SHANK2: variants seen among roughly 807,000 people sequenced by gnomAD.
SHANK2 encodes the protein SH3 and multiple ankyrin repeat domains 2, also known as SH3 and multiple ankyrin repeat domains protein 2.
SHANK2 carries 43 observed loss-of-function variants against 133.7 expected under a neutral mutation model. The ratio of observed to expected loss-of-function variants is 0.32; its 90% CI spans 0.25 to 0.41. The LOEUF (loss-of-function observed/expected upper bound fraction) is 0.41. SHANK2 is among the 10% of genes least tolerant of loss of function. SHANK2 has a pLI of 1.00. For missense variants in SHANK2, 1,994 were observed against 2,235.8 expected (o/e 0.89, Z 2.18); for synonymous variants, 1,017 against 952.8 (o/e 1.07, Z -1.24).
At chr11:70,768,182 T>C (rs1947166731) in intron 14 of SHANK2, among the ~76,000 whole-genome samples, 1 of 152,138 alleles carries the variant, frequency 6.6e-6, no homozygotes, top group Non-Finnish European at 1.5e-5. Context: ...GCATGCAGTG[T>C]AGATGTGAGT....
chr11:70,619,328 G>A (rs1303283598), intron 17 of SHANK2, among the ~76,000 whole-genome samples: 3 of 152,192 alleles, frequency 2.0e-5, no homozygotes, highest in Admixed American at 6.5e-5. Context: ...AGCTCTCAGC[G>A]AGGGTCCTTT....
chr11:71,199,336 C>T (rs1312426043), intron 2 of SHANK2, among the ~76,000 whole-genome samples: 1 of 152,244 alleles, frequency 6.6e-6, no homozygotes, highest in East Asian at 1.9e-4. Context: ...GAAGACTCAG[C>T]CACAAACTGT....
chr11:70,774,539 C>T (rs1405196454), intron 14 of SHANK2, among the ~76,000 whole-genome samples: 5 of 152,086 alleles, frequency 3.3e-5, no homozygotes, highest in South Asian at 2.1e-4. Flanking sequence ...AGGCTGGTCT[C>T]GAACTCCTGA....
chr11:71,086,721 G>A (rs1293878441), intron 8 of SHANK2, among the ~76,000 whole-genome samples: 3 of 151,834 alleles, frequency 2.0e-5, no homozygotes, highest in African/African-American at 7.3e-5. Context: ...GGGCCACTTG[G>A]CAGGGTAAAT....
intron 17 of SHANK2, among the ~76,000 whole-genome samples, chr11:70,572,313 C>T (rs781998935): frequency 6.6e-6 from 1 of 152,218 alleles, no homozygotes; most frequent in African/African-American, 2.4e-5. Context: ...GTCCCCACCA[C>T]CATACCCGGC....
Position 71,158,607 on chromosome 11 carries a change from C to T in SHANK2, c.-12-11269G>A, listed in dbSNP as rs183021603. ...AACCCTGATAGGACTGTTGGTAGAA[C>T]TTAACACTCTGATCTTAAAGCTCAA... is the stretch of plus-strand genomic sequence containing the variant. On this transcript the variant is annotated intron_variant, in intron 2 of 25. Transcript: ENST00000601538. Among the ~76,000 whole-genome samples, 12 of 152,302 alleles carry T rather than the reference C, an allele frequency of 7.9e-5. No individual in the cohort carries two copies. In the East Asian group the frequency reaches 2.3e-3, roughly 29 times the overall value.
chr11:70,661,629 C>T lies in SHANK2; in HGVS notation c.1903G>A (p.Glu635Lys). 1 of 1,614,040 alleles carries T rather than the reference C, an allele frequency of 6.2e-7. No individual in the cohort carries two copies. The highest frequency in any genetic ancestry group is 8.5e-7 in the Non-Finnish European group (1 of 1,180,020). ...KTVVLQKKDN[E>K]GFGFVLRGAK... ...CCTCGAAGCACGAATCCAAAGCCCT[C>T]ATTGTCTTTTTTCTGCAGGACCACC... Residue 635 changes from glutamate to lysine, a missense_variant, in exon 16 of 26, where the codon GAG becomes AAG. Physicochemically the swap from Glu to Lys is moderately conservative, Grantham distance 56. This residue lies in a region of SHANK2 where 14 missense variants were observed against 42.4 expected (regional missense o/e 0.33). Transcript: ENST00000601538.
chr11:70,565,545 C>G (rs1263079431), intron 17 of SHANK2, among the ~76,000 whole-genome samples: 1 of 152,192 alleles, frequency 6.6e-6, no homozygotes, highest in Non-Finnish European at 1.5e-5. Context: ...CACGCCTGGC[C>G]TCAATGTCTT....
At chr11:70,747,395 C>A (rs1003201749) in intron 14 of SHANK2, among the ~76,000 whole-genome samples, 1 of 152,148 alleles carries the variant, frequency 6.6e-6, no homozygotes, top group Non-Finnish European at 1.5e-5. Context: ...GTGGAAAAGT[C>A]TTTTCATGGC....
intron 14 of SHANK2, among the ~76,000 whole-genome samples, chr11:70,759,165 AAAACCAAACC>A (rs112523125): frequency 1.5e-4 from 22 of 146,824 alleles, no homozygotes; most frequent in African/African-American, 4.8e-4. Flanking sequence ...ACTCCATCAC[AAAACCAAACC>A]AAACCAAACC....
chr11:70,935,854 G>A (rs777378146), intron 10 of SHANK2, among the ~76,000 whole-genome samples: 30 of 152,226 alleles, frequency 2.0e-4, no homozygotes, highest in Admixed American at 5.2e-4. Context: ...TCATGTGAGC[G>A]GGCCTCTTAC....
intron 10 of SHANK2, among the ~76,000 whole-genome samples, chr11:70,921,275 T>C (rs7480292): frequency 1 from 152,219 of 152,380 alleles, 76,029 homozygotes; most frequent in Middle Eastern, 1. Flanking sequence ...TGCCAAGGTT[T>C]GGAAAGAGGA....
At chr11:70,726,445 CCTGAAGCTGTT>C (rs1186270031) in intron 14 of SHANK2, among the ~76,000 whole-genome samples, 1 of 140,442 alleles carries the variant, frequency 7.1e-6, no homozygotes, top group Non-Finnish European at 1.5e-5. Flanking sequence ...GGGTCTTTGC[CCTGAAGCTGTT>C]CTGAGTCTGG....
chr11:70,737,435 T>C (rs1421932416), intron 14 of SHANK2, among the ~76,000 whole-genome samples: 1 of 152,166 alleles, frequency 6.6e-6, no homozygotes, highest in Non-Finnish European at 1.5e-5. Context: ...CCAGGTGGCC[T>C]GGCCTTCTTT....
chr11:70,718,355 C>A (rs1204620958), intron 14 of SHANK2, among the ~76,000 whole-genome samples: 8 of 152,384 alleles, frequency 5.2e-5, no homozygotes, highest in Middle Eastern at 3.4e-3. Context: ...TGAGCCTACG[C>A]TGGAGGGAAG....
intron 24 of SHANK2, among the ~76,000 whole-genome samples, chr11:70,488,112 C>CTGGCATTG (rs1283480772): frequency 6.6e-6 from 1 of 152,208 alleles, no homozygotes; most frequent in African/African-American, 2.4e-5. Flanking sequence ...TGTGCTTGTG[C>CTGGCATTG]TGGCATTGTG....
chr11:70,745,770 G>A (rs1555035887), intron 14 of SHANK2, among the ~76,000 whole-genome samples: 1 of 152,196 alleles, frequency 6.6e-6, no homozygotes, highest in Non-Finnish European at 1.5e-5. Context: ...TAGGTCACCC[G>A]CCGCCTTGGA....
chr11:70,622,369 T>A (rs2060840903), intron 17 of SHANK2, among the ~76,000 whole-genome samples: 1 of 150,142 alleles, frequency 6.7e-6, no homozygotes. Flanking sequence ...CTCAGTCCTC[T>A]CCACCCCGGT....
At position 70,486,207 on chromosome 11, in the gene SHANK2, G is replaced by A. The variant is rs148573251; in HGVS notation, c.4086C>T (p.Ser1362=). 94 of 1,613,686 alleles carry A rather than the reference G, an allele frequency of 5.8e-5. No homozygotes were observed. Among genetic ancestry groups the A allele is most frequent in the Non-Finnish European group, 7.2e-5 (85 of 1,179,876 alleles). The stretch of plus-strand genomic sequence containing the variant: ...GCACGGTGGTGGGCTCGGGGGCAGC[G>A]GAGATCTGTAAAGCACCTTCGGTTT... ...VSETEGALQI[S]AAPEPTTVPG... The change falls in exon 25 of 26, where the codon TCC becomes TCT. Residue 1362 remains serine (S), a synonymous_variant. Transcript: ENST00000601538. The surrounding 1 kb of genome is among the most constrained non-coding windows in gnomAD (Gnocchi z 8.0).
Sources: gnomAD v4.1 joint callset for allele counts (sites outside exome capture counted in the v4.1 genomes callset) on GRCh38, gnomAD v4.1.1 for gene constraint, gnomAD v4.1.1 regional missense constraint, Gnocchi (gnomAD v3.1) non-coding constraint, MANE v1.5 for transcripts, NCBI Gene and HGNC (gene_info 2026-07-23, HGNC 2026-07-21) for gene names.